Variants in IQUB observed in about 807,000 individuals in gnomAD.
The protein encoded by IQUB is IQ motif and ubiquitin domain containing, also known as IQ motif and ubiquitin-like domain-containing protein.
In IQUB, 86 loss-of-function variants were observed where a neutral mutation model predicts 86.4. The ratio of observed to expected loss-of-function variants is 1.00; its 90% CI spans 0.84 to 1.19. The LOEUF (loss-of-function observed/expected upper bound fraction) is 1.19, where lower values mean the gene tolerates loss of function less well. Among genes scored for constraint, IQUB ranks in the 50% most tolerant of loss-of-function variants. The pLI, the probability that IQUB is intolerant of heterozygous loss-of-function variation, is 0.00. For synonymous variants in IQUB, 289 were observed against 304.5 expected (o/e 0.95, Z 0.53); for missense variants, 946 against 916.9 (o/e 1.03, Z -0.41).
intron 8 of IQUB, among the ~76,000 whole-genome samples, chr7:123,472,418 T>C (rs1794566799): frequency 6.6e-6 from 1 of 152,110 alleles, no homozygotes; most frequent in South Asian, 2.1e-4. Context: ...TAAAATACTA[T>C]CCTGGTTTCA....
At chr7:123,479,599 C>A (rs998386678) in intron 8 of IQUB, among the ~76,000 whole-genome samples, 196 bp downstream of exon 8, 14 of 152,076 alleles carry the variant, frequency 9.2e-5, no homozygotes, top group African/African-American at 3.4e-4. Context: ...TATTACCTAA[C>A]AATTTTTACT....
intron 6 of IQUB, chr7:123,501,351 T>G (rs1229680325): frequency 6.6e-6 from 1 of 152,404 alleles, no homozygotes; most frequent in East Asian, 1.9e-4. Flanking sequence ...TAATTAAGAC[T>G]GAGAAAGTAA....
At chr7:123,505,783 T>C (rs1796151785) in intron 3 of IQUB, among the ~76,000 whole-genome samples, 1 of 152,236 alleles carries the variant, frequency 6.6e-6, no homozygotes, top group African/African-American at 2.4e-5. Context: ...CCATTAACAT[T>C]TGGCTCCTTT....
At chr7:123,524,847 T>G (rs907692320) in intron 1 of IQUB, among the ~76,000 whole-genome samples, 1 of 151,002 alleles carries the variant, frequency 6.6e-6, no homozygotes, top group African/African-American at 2.4e-5. Flanking sequence ...TTGTCATAGA[T>G]AGCTCTTATT....
intron 11 of IQUB, among the ~76,000 whole-genome samples, chr7:123,460,317 T>A (rs1418225867): frequency 6.6e-6 from 1 of 151,978 alleles, no homozygotes; most frequent in African/African-American, 2.4e-5. Flanking sequence ...CAGGTTGTCA[T>A]AAAAATACAT....
chr7:123,483,735 T>G (rs1234260124), intron 7 of IQUB, among the ~76,000 whole-genome samples: 1 of 152,120 alleles, frequency 6.6e-6, no homozygotes, highest in Non-Finnish European at 1.5e-5. Flanking sequence ...ACATTTTCAC[T>G]ATTAGGTTTA....
At chr7:123,465,375 T>C (rs996236981) in intron 9 of IQUB, among the ~76,000 whole-genome samples, 2 of 151,822 alleles carry the variant, frequency 1.3e-5, no homozygotes, top group Non-Finnish European at 2.9e-5. Context: ...ATCAAGAAAA[T>C]GACTACCATG....
rs764624584 is a variant in IQUB, at chr7:123,502,990, G to C, written c.821C>G (p.Pro274Arg). The C allele has an allele frequency of 6.2e-7, 1 of 1,612,686 alleles. No individual in the cohort carries two copies. The highest frequency in any genetic ancestry group is 1.1e-5 in the South Asian group (1 of 90,958). The change falls in exon 5 of 13, where the codon CCT (proline) becomes CGT (arginine). Residue 274 changes from proline to arginine, a missense_variant. Pro to Arg is a moderately radical substitution (Grantham distance 103). Coordinates refer to ENST00000324698, the MANE Select transcript of IQUB (RefSeq NM_178827.5). ...EYHNAGTQTV[P>R]KRIPERLSIF... The stretch of plus-strand genomic sequence containing the variant: ...ACTGAGTCTTTCGGGAATCCTTTTA[G>C]GTACAGTTTGTGTTCCAGCATTGTG...
At chr7:123,494,241 T>A (rs1198437864) in intron 7 of IQUB, among the ~76,000 whole-genome samples, 2 of 152,116 alleles carry the variant, frequency 1.3e-5, no homozygotes, top group African/African-American at 4.8e-5. Flanking sequence ...CTCTTTGACA[T>A]ATTACCTTAT....
At position 123,503,035 on chromosome 7, in the gene IQUB, TTA is replaced by T; in HGVS notation, c.774_775del (p.His258GlnfsTer17). 2 of 1,613,200 alleles carry T rather than the reference TTA, an allele frequency of 1.2e-6. No homozygotes were observed. The highest frequency in any genetic ancestry group is 8.5e-7 in the Non-Finnish European group (1 of 1,179,426). ...ATTGTGATACTCTACTCCTGTTACT[TTA>T]TGTCTGAATCCACCAAGAAATGGTT... On this transcript the variant is annotated frameshift_variant, in exon 5 of 13. Coordinates refer to ENST00000324698, the MANE Select transcript of IQUB (RefSeq NM_178827.5). LOFTEE classifies it high-confidence loss of function.
chr7:123,455,087 A>G (rs1398439474), intron 12 of IQUB, among the ~76,000 whole-genome samples: 1 of 151,908 alleles, frequency 6.6e-6, no homozygotes, highest in East Asian at 1.9e-4. Context: ...GCCTCCCTTT[A>G]TTTATTCATT....
At chr7:123,481,143 G>C (rs1421219864) in intron 7 of IQUB, among the ~76,000 whole-genome samples, 1 of 152,030 alleles carries the variant, frequency 6.6e-6, no homozygotes, top group Non-Finnish European at 1.5e-5. Flanking sequence ...GGTTTAATTT[G>C]CCCGCCCTGG....
At chr7:123,474,043 C>T (rs1794652503) in intron 8 of IQUB, among the ~76,000 whole-genome samples, 1 of 151,994 alleles carries the variant, frequency 6.6e-6, no homozygotes, top group Non-Finnish European at 1.5e-5. Context: ...TTTGACTGGA[C>T]AAATTTAAGA....
At position 123,509,889 on chromosome 7, in the gene IQUB, C is replaced by T. The variant is rs550038192; in HGVS notation, c.532+12G>A. The T allele has an allele frequency of 4.4e-6, 7 of 1,592,990 alleles. No homozygotes were observed. In the Admixed American group the frequency reaches 9.2e-5, roughly 21 times the overall value. On this transcript the variant is annotated intron_variant, in intron 3 of 12. Coordinates refer to ENST00000324698, the MANE Select transcript of IQUB (RefSeq NM_178827.5). ...AAAAGTCTTGATATGTTTTATTAGC[C>T]TCCAAACTTACCTGAGTATCTTATC... is the stretch of plus-strand genomic sequence containing the variant.
chr7:123,469,352 A>AT lies in IQUB; in HGVS notation c.1442dup (p.Asn481LysfsTer6), dbSNP rs1242292495. On this transcript the variant is annotated frameshift_variant, in exon 9 of 13. Transcript: ENST00000324698. LOFTEE classifies it high-confidence loss of function. ...GCGTATCCATCTCAATTGTTTTGCC[A>AT]TTAGGGGTTCTCCATATTTTTGGAG... 1 of 1,600,634 alleles carries AT rather than the reference A, an allele frequency of 6.2e-7. No homozygotes were observed.
At chr7:123,506,356 T>C (rs1433638863) in intron 3 of IQUB, among the ~76,000 whole-genome samples, 1 of 152,194 alleles carries the variant, frequency 6.6e-6, no homozygotes, top group Non-Finnish European at 1.5e-5. Flanking sequence ...CCAAACTTCT[T>C]GGTACCAACT....
chr7:123,459,256 G>A (rs992615054), intron 11 of IQUB, among the ~76,000 whole-genome samples: 7 of 151,924 alleles, frequency 4.6e-5, no homozygotes, highest in African/African-American at 1.4e-4. Flanking sequence ...TATGTGTAAT[G>A]GTTGATTTTA....
At chr7:123,452,974 C>T in intron 12 of IQUB, 49 bp from the exon 13 acceptor site, 1 of 1,471,692 alleles carries the variant, frequency 6.8e-7, no homozygotes, top group Non-Finnish European at 9.2e-7. Context: ...ATATATTTTG[C>T]CAGGTAAAAA....
chr7:123,503,098 T>A lies in IQUB; in HGVS notation c.713A>T (p.Gln238Leu). The change falls in exon 5 of 13, where the codon CAG (glutamine) becomes CTG (leucine). Residue 238 changes from glutamine (Q) to leucine (L), a missense_variant. Coordinates refer to ENST00000324698, the MANE Select transcript of IQUB (RefSeq NM_178827.5). ...TVQTGLDQYQ[Q>L]VPVEIVKSDF... ...AGATTTGACAATCTCAACAGGTACCTGCTGGTATTGATCAAGTCCTGAGAG... is the reference window on the plus strand; with the variant it reads ...AGATTTGACAATCTCAACAGGTACCAGCTGGTATTGATCAAGTCCTGAGAG... 6.2e-7 allele frequency: 1 copy of A among 1,612,944 alleles called. No homozygotes were observed. The highest frequency in any genetic ancestry group is 8.5e-7 in the Non-Finnish European group (1 of 1,179,540).
Sources: gnomAD v4.1 joint callset for allele counts (sites outside exome capture counted in the v4.1 genomes callset) on GRCh38, gnomAD v4.1.1 for gene constraint, MANE v1.5 for transcripts, NCBI Gene and HGNC (gene_info 2026-07-23, HGNC 2026-07-21) for gene names.